COL9A2: variants seen among roughly 807,000 people sequenced by gnomAD.
COL9A2 encodes the protein collagen type IX alpha 2 chain.
COL9A2 carries 66 observed loss-of-function variants against 111.6 expected under a neutral mutation model. That is an observed-to-expected ratio of 0.59 (90% CI 0.48 to 0.73). The LOEUF is 0.73. Ranked by LOEUF, COL9A2 falls within the 30% of genes least tolerant of loss-of-function variation. The pLI is 0.00. For synonymous variants in COL9A2, 353 were observed against 364.1 expected (o/e 0.97, Z 0.35); for missense variants, 881 against 954.1 (o/e 0.92, Z 1.01).
chr1:40,311,032 A>G lies in COL9A2; in HGVS notation c.630+61T>C. On this transcript the variant is annotated intron_variant, in intron 12 of 31. Transcript: ENST00000372748. The surrounding 1 kb of genome is among the most constrained non-coding windows in gnomAD (Gnocchi z 5.1). ...AAGGGGAAGGGACGAAGAAGGGGAC[A>G]GAGCCCTGTAGGACCATCTCCACGT... 1 of 1,599,784 alleles carries G rather than the reference A, an allele frequency of 6.3e-7. No homozygotes were observed. Among genetic ancestry groups the G allele is most frequent in the Non-Finnish European group, 8.6e-7 (1 of 1,167,472 alleles).
In COL9A2 at chr1:40,303,918, G is replaced by A. The variant is rs886038499; in HGVS notation, c.1368+10C>T. On this transcript the variant is annotated intron_variant, in intron 26 of 31. Coordinates refer to ENST00000372748, the MANE Select transcript of COL9A2 (RefSeq NM_001852.4). The surrounding 1 kb of genome is among the most constrained non-coding windows in gnomAD (Gnocchi z 4.6). ...GCCGCTCCCCGCCCTTCCCTAGGCCGCGCGCTCACCTTCTCGCCTTTCTCT... is the reference window on the plus strand; with the variant it reads ...GCCGCTCCCCGCCCTTCCCTAGGCCACGCGCTCACCTTCTCGCCTTTCTCT... The A allele has an allele frequency of 6.4e-7, 1 of 1,552,404 alleles. No individual in the cohort carries two copies. The highest frequency in any genetic ancestry group is 8.7e-7 in the Non-Finnish European group (1 of 1,147,710).
rs1247650432 is a variant in COL9A2, at chr1:40,301,173, G to A, written c.*9C>T. ...AGGATGCCTGCCAGGCTCTGTCTGG[G>A]CCTGATGCTCAAGGCCCCTTGATGG... On this transcript the variant is annotated 3_prime_UTR_variant, in exon 32 of 32. Transcript: ENST00000372748. 1 of 1,612,804 alleles carries A rather than the reference G, an allele frequency of 6.2e-7. No individual in the cohort carries two copies. The highest frequency in any genetic ancestry group is 1.1e-5 in the South Asian group (1 of 91,012).
At chr1:40,304,174 CCCCTCTTTCCAACTCCGCCTCGCCGA>C in intron 24 of COL9A2, 75 bp from the exon 25 acceptor site, 1 of 1,516,084 alleles carries the variant, frequency 6.6e-7, no homozygotes, top group South Asian at 1.2e-5. Context: ...TTCGGCCACA[CCCCTCTTTCCAACTCCGCCTCGCCGA>C]CCAGACCAGA....
At position 40,306,215 on chromosome 1, in the gene COL9A2, TG is replaced by T. The variant is rs768516164; in HGVS notation, c.1009-29del. 8.1e-6 allele frequency: 13 copies of T among 1,614,130 alleles called. No homozygotes were observed. In the South Asian group the frequency reaches 1.4e-4, roughly 18 times the overall value. ...GCAGAAAGAAGTTGAAGTCAGTTTC[TG>T]CCCTGGCATGAGGGAGCCCCATGCA... On this transcript the variant is annotated intron_variant, in intron 19 of 31. Coordinates refer to ENST00000372748, the MANE Select transcript of COL9A2 (RefSeq NM_001852.4).
Position 40,310,303 on chromosome 1 carries a change from G to A in COL9A2, c.699C>T (p.Ile233=), listed in dbSNP as rs767043817. 3.1e-6 allele frequency: 5 copies of A among 1,614,078 alleles called. No individual in the cohort carries two copies. Among genetic ancestry groups the A allele is most frequent in the Non-Finnish European group, 1.7e-6 (2 of 1,180,004 alleles). ...GCCCTGCCATGCCTGGGTAGCCCCTGATGCCCTGGGGACCCTGTTGAGAAA... is the reference window on the plus strand; with the variant it reads ...GCCCTGCCATGCCTGGGTAGCCCCTAATGCCCTGGGGACCCTGTTGAGAAA... ...GIPGPPGPQG[I]RGYPGMAGPK... is the part of the protein sequence containing the mutation. Residue 233 remains isoleucine, a synonymous_variant, in exon 14 of 32, where the codon ATC becomes ATT. Transcript: ENST00000372748. This position sits in a 1 kb window ranked among gnomAD's most constrained non-coding sequence, Gnocchi z 4.9.
chr1:40,310,383 G>T lies in COL9A2; in HGVS notation c.685-66C>A. ...CCCACTTCATGATACCTTGTCTGAT[G>T]CCCACCTTCAATCTTACAGTGCCCT... On this transcript the variant is annotated intron_variant, in intron 13 of 31. Transcript: ENST00000372748. This position sits in a 1 kb window ranked among gnomAD's most constrained non-coding sequence, Gnocchi z 4.9. 2 of 1,503,626 alleles carry T rather than the reference G, an allele frequency of 1.3e-6. No individual in the cohort carries two copies. The highest frequency in any genetic ancestry group is 1.1e-5 in the South Asian group (1 of 88,750). 93.1% of individuals were successfully genotyped at this position (1,503,626 alleles called of 1,614,324 possible). A position where few individuals can be genotyped will look rare whatever the true frequency, so the allele number is the denominator to read the frequency against.
In COL9A2 at chr1:40,316,631, G is replaced by C. The variant is rs557636230; in HGVS notation, c.75+492C>G. On this transcript the variant is annotated intron_variant, in intron 1 of 31. Coordinates refer to ENST00000372748, the MANE Select transcript of COL9A2 (RefSeq NM_001852.4). This position sits in a 1 kb window ranked among gnomAD's most constrained non-coding sequence, Gnocchi z 5.5. The stretch of plus-strand genomic sequence containing the variant: ...TCGAAACCACACCCAGCACCCGACC[G>C]GGCCCAGTCTCTGCCCTACCCGCGC... 9.7e-5 allele frequency: 44 copies of C among 452,756 alleles called. No homozygotes were observed. Among genetic ancestry groups the C allele is most frequent in the African/African-American group, 5.5e-4 (27 of 48,984 alleles). 28.0% of individuals were successfully genotyped at this position (452,756 alleles called of 1,614,324 possible).
At chr1:40,315,391 C>T (rs1162255588) in intron 2 of COL9A2, 199 bp downstream of exon 2, 4 of 1,397,806 alleles carry the variant, frequency 2.9e-6, no homozygotes, top group Admixed American at 3.1e-5. Context: ...GCGGCTATAA[C>T]GGGCTCCGCA....
At position 40,310,420 on chromosome 1, in the gene COL9A2, C is replaced by T; in HGVS notation, c.685-103G>A. 1 of 1,194,324 alleles carries T rather than the reference C, an allele frequency of 8.4e-7. No individual in the cohort carries two copies. Among genetic ancestry groups the T allele is most frequent in the Non-Finnish European group, 1.2e-6 (1 of 809,226 alleles). 74.0% of individuals were successfully genotyped at this position (1,194,324 alleles called of 1,614,324 possible). On this transcript the variant is annotated intron_variant, in intron 13 of 31. Transcript: ENST00000372748. This position sits in a 1 kb window ranked among gnomAD's most constrained non-coding sequence, Gnocchi z 4.9. Reference sequence around the variant, plus strand: ...TCTTACAGTGCCCTTTTGAGGTAGGCAGCAGAGTCTCTGTCTCATGGATGG... The same window carrying T: ...TCTTACAGTGCCCTTTTGAGGTAGGTAGCAGAGTCTCTGTCTCATGGATGG...
Position 40,314,145 on chromosome 1 carries a change from A to G in COL9A2, c.249+60T>C, listed in dbSNP as rs1644177306. 2 of 1,543,638 alleles carry G rather than the reference A, an allele frequency of 1.3e-6. No homozygotes were observed. The highest frequency in any genetic ancestry group is 3.3e-5 in the Admixed American group (2 of 59,914). Reference sequence around the variant, plus strand: ...ACAGATCAGTGAAGATGCCAGAGCCAGGCCCTGGAGGTCAATTGGCAGAGC... The same window carrying G: ...ACAGATCAGTGAAGATGCCAGAGCCGGGCCCTGGAGGTCAATTGGCAGAGC... On this transcript the variant is annotated intron_variant, in intron 4 of 31. Coordinates refer to ENST00000372748, the MANE Select transcript of COL9A2 (RefSeq NM_001852.4). This position sits in a 1 kb window ranked among gnomAD's most constrained non-coding sequence, Gnocchi z 4.1.
chr1:40,310,162 G>T lies in COL9A2; in HGVS notation c.741C>A (p.Gly247=), dbSNP rs747133313. ...PGMAGPKGET[G]PHGYKGMVGA... Reference sequence around the variant, plus strand: ...CCACCATGCCTTTATATCCATGAGGGCCCTGGGGAGAGGAAAGGGTTGCAG... The same window carrying T: ...CCACCATGCCTTTATATCCATGAGGTCCCTGGGGAGAGGAAAGGGTTGCAG... The change falls in exon 15 of 32, where the codon GGC becomes GGA. Residue 247 remains glycine (G), a splice_region_variant and synonymous_variant. Transcript: ENST00000372748. The surrounding 1 kb of genome is among the most constrained non-coding windows in gnomAD (Gnocchi z 4.9). 1.1e-4 allele frequency: 171 copies of T among 1,613,994 alleles called. No homozygotes were observed. Among genetic ancestry groups the T allele is most frequent in the Middle Eastern group, 3.3e-4 (2 of 6,084 alleles).
At chr1:40,313,460 C>G (rs571723327) in intron 4 of COL9A2, among the ~76,000 whole-genome samples, 1 of 152,210 alleles carries the variant, frequency 6.6e-6, no homozygotes, top group East Asian at 1.9e-4. Flanking sequence ...TAAGCCACCA[C>G]GCCAGGCCAT....
In COL9A2 at chr1:40,301,333, C is replaced by T. The variant is rs930549037; in HGVS notation, c.1919G>A (p.Arg640Gln). The change falls in exon 32 of 32, where the codon CGA becomes CAA. Residue 640 changes from arginine to glutamine, a missense_variant. Physicochemically the swap from Arg to Gln is conservative, Grantham distance 43. Transcript: ENST00000372748. ...GQAINGKDGD[R>Q]GSPGAPGEAG... ...CTCTCCTGGAGCCCCTGGGGACCCT[C>T]GATCTCCATCCTTGCCGTTGATTGC... 5.3e-5 allele frequency: 86 copies of T among 1,610,098 alleles called. No homozygotes were observed. The highest frequency in any genetic ancestry group is 7.1e-5 in the Non-Finnish European group (84 of 1,177,468).
rs995377100 is a variant in COL9A2 at position 40,304,669 on chromosome 1, C to T, written c.1161+125G>A. The T allele has an allele frequency of 4.3e-6, 6 of 1,394,612 alleles. No individual in the cohort carries two copies. In the Admixed American group the frequency reaches 9.8e-5, roughly 23 times the overall value. The allele number at this position is 1,394,612 out of a possible 1,614,324, so 86.4% of individuals were successfully genotyped here. A position where few individuals can be genotyped will look rare whatever the true frequency, so the allele number is the denominator to read the frequency against. On this transcript the variant is annotated intron_variant, in intron 22 of 31. Transcript: ENST00000372748. ...GGGGTCCTTTCTCCACTTGGCAGACCAGCAAAGCAAACCTAGGCCCTGCCT... is the reference window on the plus strand; with the variant it reads ...GGGGTCCTTTCTCCACTTGGCAGACTAGCAAAGCAAACCTAGGCCCTGCCT...
At chr1:40,315,011 C>T (rs1448916488) in intron 2 of COL9A2, among the ~76,000 whole-genome samples, 1 of 152,046 alleles carries the variant, frequency 6.6e-6, no homozygotes, top group Non-Finnish European at 1.5e-5. Flanking sequence ...GGCCGGGGGC[C>T]CAGCATCCTG....
At position 40,303,147 on chromosome 1, in the gene COL9A2, C is replaced by T. The variant is rs770628561; in HGVS notation, c.1587G>A (p.Ala529=). The change falls in exon 29 of 32, where the codon GCG becomes GCA. Residue 529 remains alanine, a synonymous_variant. Coordinates refer to ENST00000372748, the MANE Select transcript of COL9A2 (RefSeq NM_001852.4). This position sits in a 1 kb window ranked among gnomAD's most constrained non-coding sequence, Gnocchi z 4.6. The part of the protein sequence containing the change: ...DATDQHIVDV[A]LKMLQEQLAE... ...GCCCCTCACCTTGCAGCATCTTCAG[C>T]GCCACATCCACGATGTGCTGGTCAG... 5 of 1,612,950 alleles carry T rather than the reference C, an allele frequency of 3.1e-6. No individual in the cohort carries two copies. Among genetic ancestry groups the T allele is most frequent in the African/African-American group, 1.3e-5 (1 of 75,014 alleles).
At position 40,303,400 on chromosome 1, in the gene COL9A2, G is replaced by A. The variant is rs561254457; in HGVS notation, c.1548+130C>T. Reference sequence around the variant, plus strand: ...GGCTGCACTCACAGCCTTCCTGTCTGCTCTGGGGCTTGGAACCAGTCTCGG... The same window carrying A: ...GGCTGCACTCACAGCCTTCCTGTCTACTCTGGGGCTTGGAACCAGTCTCGG... On this transcript the variant is annotated intron_variant, in intron 28 of 31. Coordinates refer to ENST00000372748, the MANE Select transcript of COL9A2 (RefSeq NM_001852.4). The surrounding 1 kb of genome is among the most constrained non-coding windows in gnomAD (Gnocchi z 4.6). The A allele has an allele frequency of 5.1e-6, 7 of 1,369,382 alleles. No individual in the cohort carries two copies. The African/African-American group carries it at 7.2e-5, about 14-fold the overall frequency. 84.8% of individuals were successfully genotyped at this position (1,369,382 alleles called of 1,614,324 possible).
In COL9A2 at chr1:40,314,851, C is replaced by T. The variant is rs780040930; in HGVS notation, c.151-464G>A. Among the ~76,000 whole-genome samples, 2 of 152,120 alleles carry T rather than the reference C, an allele frequency of 1.3e-5. No homozygotes were observed. Among genetic ancestry groups the T allele is most frequent in the Non-Finnish European group, 2.9e-5 (2 of 68,012 alleles). On this transcript the variant is annotated intron_variant, in intron 2 of 31. Transcript: ENST00000372748. This position sits in a 1 kb window ranked among gnomAD's most constrained non-coding sequence, Gnocchi z 4.1. ...AGCCAGTGGCAAGGACCAAGGGGGA[C>T]TGCAAGGGGGAAATTCAGTGTTCCC...
At position 40,312,224 on chromosome 1, in the gene COL9A2, T is replaced by C. The variant is rs1300067664; in HGVS notation, c.364-112A>G. ...TTCTCCACTTTTACTTTTTTTTTTTTTTTGCCAACCCCAGAGAGACTGACA... is the reference window on the plus strand; with the variant it reads ...TTCTCCACTTTTACTTTTTTTTTTTCTTTGCCAACCCCAGAGAGACTGACA... On this transcript the variant is annotated intron_variant, in intron 7 of 31. Transcript: ENST00000372748. This position sits in a 1 kb window ranked among gnomAD's most constrained non-coding sequence, Gnocchi z 6.0. 4.4e-6 allele frequency: 5 copies of C among 1,137,742 alleles called. No individual in the cohort carries two copies. The highest frequency in any genetic ancestry group is 6.3e-6 in the Non-Finnish European group (5 of 787,436). The allele number at this position is 1,137,742 out of a possible 1,614,324, so 70.5% of individuals were successfully genotyped here.
Sources: allele counts gnomAD v4.1 joint callset (sites outside exome capture counted in the v4.1 genomes callset), GRCh38; gene constraint gnomAD v4.1.1; non-coding constraint Gnocchi (gnomAD v3.1); transcripts MANE v1.5; gene names NCBI Gene and HGNC (gene_info 2026-07-23, HGNC 2026-07-21).